TNRC18: variants seen among roughly 807,000 people sequenced by gnomAD.
TNRC18 encodes trinucleotide repeat-containing gene 18 protein.
Under a neutral mutation model 226.7 loss-of-function variants are expected in TNRC18, and 69 were observed. The observed-to-expected ratio is 0.30, with a 90% CI of 0.25 to 0.37. TNRC18 has a LOEUF of 0.37. Ranked by LOEUF, TNRC18 falls within the 10% of genes least tolerant of loss-of-function variation. The probability of loss-of-function intolerance (pLI) is 1.00; values close to 1 mark genes in which losing one functional copy is unlikely to be tolerated. For synonymous variants in TNRC18, 2,449 were observed against 1,927.6 expected (o/e 1.27, Z -7.09); for missense variants, 4,754 against 4,256.6 (o/e 1.12, Z -3.25).
At chr7:5,400,921 T>C (rs1781041807) in intron 2 of TNRC18, among the ~76,000 whole-genome samples, 2 of 152,060 alleles carry the variant, frequency 1.3e-5, no homozygotes, top group Admixed American at 1.3e-4. Context: ...TGCACGCCTG[T>C]AACCCAGCTA....
intron 2 of TNRC18, among the ~76,000 whole-genome samples, chr7:5,401,905 G>C (rs1231732795): frequency 6.6e-6 from 1 of 152,174 alleles, no homozygotes; most frequent in African/African-American, 2.4e-5. Context: ...GCCGGGCGTG[G>C]TGGCTCACAC....
At position 5,342,242 on chromosome 7, in the gene TNRC18, G is replaced by A. The variant is rs192636820; in HGVS notation, c.5719+3320C>T. On this transcript the variant is annotated intron_variant, in intron 18 of 29. Transcript: ENST00000430969. The stretch of plus-strand genomic sequence containing the variant: ...CCAGGAGTTCCAGACCAGTCTGGCC[G>A]ACATGGCGAAACCCTGTCTCTACTA... Among the ~76,000 whole-genome samples, 182 of 152,108 alleles carry A rather than the reference G, an allele frequency of 1.2e-3. 1 individual carries two copies. The highest frequency in any genetic ancestry group is 6.8e-3 in the Middle Eastern group (2 of 294).
In TNRC18 at chr7:5,394,427, G is replaced by C. The variant is rs987358652; in HGVS notation, c.343+13C>G. 1 of 1,523,428 alleles carries C rather than the reference G, an allele frequency of 6.6e-7. No homozygotes were observed. Among genetic ancestry groups the C allele is most frequent in the South Asian group, 1.2e-5 (1 of 81,016 alleles). The allele number at this position is 1,523,428 out of a possible 1,614,324, so 94.4% of individuals were successfully genotyped here. A position where few individuals can be genotyped will look rare whatever the true frequency, so the allele number is the denominator to read the frequency against. On this transcript the variant is annotated intron_variant, in intron 3 of 29. Transcript: ENST00000430969. This position sits in a 1 kb window ranked among gnomAD's most constrained non-coding sequence, Gnocchi z 4.5. ...CCAGCAGCCCTCAGCCCCGACCCCG[G>C]CATGTTCCTTACCTTCATGGGCGTG...
At chr7:5,343,891 G>A (rs553686668) in intron 18 of TNRC18, among the ~76,000 whole-genome samples, 2 of 152,288 alleles carry the variant, frequency 1.3e-5, no homozygotes, top group South Asian at 2.1e-4. Context: ...TGGTTTGGAA[G>A]CAATCCTGCA....
Position 5,307,843 on chromosome 7 carries a change from G to C in TNRC18, c.*263C>G. ...GTGCTGGGCAGGAAGGGCCGGTCCG[G>C]CCATACCCTGATAGCTAAGAGGGGC... On this transcript the variant is annotated 3_prime_UTR_variant, in exon 30 of 30. Transcript: ENST00000430969. 1.9e-6 allele frequency: 1 copy of C among 536,288 alleles called. No individual in the cohort carries two copies. Among genetic ancestry groups the C allele is most frequent in the Non-Finnish European group, 3.4e-6 (1 of 295,204 alleles). The allele number at this position is 536,288 out of a possible 1,614,324, so 33.2% of individuals were successfully genotyped here. A position where few individuals can be genotyped will look rare whatever the true frequency, so the allele number is the denominator to read the frequency against.
rs536132054 is a variant in TNRC18 at position 5,377,466 on chromosome 7, C to T, written c.2366G>A (p.Gly789Asp). ...VTGGPALAGS[G>D]RWSADPAAHL... The stretch of plus-strand genomic sequence containing the variant: ...GGCTGCGGGGTCGGCAGACCAGCGA[C>T]CTGAGCCCGCCAGCGCCGGGCCCCC... The change falls in exon 7 of 30, where the codon GGT becomes GAT. Residue 789 changes from glycine (G) to aspartate (D), a missense_variant. Coordinates refer to ENST00000430969, the MANE Select transcript of TNRC18 (RefSeq NM_001080495.3). This position sits in a 1 kb window ranked among gnomAD's most constrained non-coding sequence, Gnocchi z 5.8. 1.3e-5 allele frequency: 21 copies of T among 1,576,358 alleles called. No homozygotes were observed. The highest frequency in any genetic ancestry group is 1.8e-5 in the Non-Finnish European group (21 of 1,162,538).
Position 5,313,656 on chromosome 7 carries a change from A to G in TNRC18, c.7235T>C (p.Phe2412Ser). The change falls in exon 27 of 30, where the codon TTT becomes TCT. Residue 2412 changes from phenylalanine (F) to serine (S), a missense_variant. Coordinates refer to ENST00000430969, the MANE Select transcript of TNRC18 (RefSeq NM_001080495.3). ...AFTSCPAPEP[F>S]AELPAPATSL... ...GGTGGCAGGAGCTGGCAGCTCTGCA[A>G]ATGGCTCGGGTGCTGGGCAGCTGGT... The G allele has an allele frequency of 6.2e-7, 1 of 1,606,056 alleles. No individual in the cohort carries two copies. Among genetic ancestry groups the G allele is most frequent in the Non-Finnish European group, 8.5e-7 (1 of 1,177,160 alleles).
In TNRC18 at chr7:5,348,703, T is replaced by C. The variant is rs529126345; in HGVS notation, c.5471-2893A>G. The stretch of plus-strand genomic sequence containing the variant: ...CCAGAGGGAGAGGGAGGAGGTTTGT[T>C]AAGAGGGTGAGAGGGGAGACTGGCC... On this transcript the variant is annotated intron_variant, in intron 17 of 29. Transcript: ENST00000430969. Among the ~76,000 whole-genome samples, 107 of 151,440 alleles carry C rather than the reference T, an allele frequency of 7.1e-4. 3 individuals are homozygous for C. The South Asian group carries it at 9.8e-3, about 14-fold the overall frequency.
At chr7:5,410,690 AC>A (rs1288934917) in intron 2 of TNRC18, among the ~76,000 whole-genome samples, 1 of 151,806 alleles carries the variant, frequency 6.6e-6, no homozygotes, top group Admixed American at 6.6e-5. Context: ...ACATGGTAAA[AC>A]CCCATCTCTA....
At chr7:5,395,472 G>A (rs371741818) in intron 2 of TNRC18, among the ~76,000 whole-genome samples, 6 of 152,216 alleles carry the variant, frequency 3.9e-5, no homozygotes, top group Non-Finnish European at 1.5e-5. Context: ...ATCGGACAGG[G>A]TGCCTCCCAG....
chr7:5,331,394 G>C lies in TNRC18; in HGVS notation c.6147+1228C>G, dbSNP rs143321388. Among the ~76,000 whole-genome samples the C allele has an allele frequency of 2.0e-4, 30 of 152,260 alleles. No homozygotes were observed. The East Asian group carries it at 4.2e-3, about 22-fold the overall frequency. On this transcript the variant is annotated intron_variant, in intron 19 of 29. Coordinates refer to ENST00000430969, the MANE Select transcript of TNRC18 (RefSeq NM_001080495.3). ...TTTCTTAATCTGGGGTGTTCATAGAGAGAATTTAGGAAATCTGTAAATGGG... is the reference window on the plus strand; with the variant it reads ...TTTCTTAATCTGGGGTGTTCATAGACAGAATTTAGGAAATCTGTAAATGGG...
At chr7:5,396,965 G>T (rs1248082668) in intron 2 of TNRC18, among the ~76,000 whole-genome samples, 13 of 152,226 alleles carry the variant, frequency 8.5e-5, no homozygotes, top group Admixed American at 8.5e-4. Flanking sequence ...TGGGGTACAT[G>T]TGGGGAAACT....
chr7:5,392,577 A>G lies in TNRC18; in HGVS notation c.343+1863T>C, dbSNP rs1780378364. The stretch of plus-strand genomic sequence containing the variant: ...TGCAGTGAGCCAAGATTGTGCCACT[A>G]TATACTCTAGCCTGGGCGACAGAGC... On this transcript the variant is annotated intron_variant, in intron 3 of 29. Coordinates refer to ENST00000430969, the MANE Select transcript of TNRC18 (RefSeq NM_001080495.3). 2.0e-5 allele frequency among the ~76,000 whole-genome samples: 3 copies of G among 151,862 alleles called. No homozygotes were observed. The South Asian group carries it at 6.2e-4, about 32-fold the overall frequency.
At chr7:5,328,841 A>G (rs1031894283) in intron 19 of TNRC18, among the ~76,000 whole-genome samples, 2 of 152,086 alleles carry the variant, frequency 1.3e-5, no homozygotes, top group African/African-American at 2.4e-5. Flanking sequence ...AAGAAAAATT[A>G]GCAAGGTGTG....
chr7:5,388,387 G>A lies in TNRC18; in HGVS notation c.1437C>T (p.Pro479=), dbSNP rs747229535. The A allele has an allele frequency of 1.5e-5, 23 of 1,524,884 alleles. No individual in the cohort carries two copies. The highest frequency in any genetic ancestry group is 2.8e-5 in the African/African-American group (2 of 70,434). 94.5% of individuals were successfully genotyped at this position (1,524,884 alleles called of 1,614,324 possible). A position where few individuals can be genotyped will look rare whatever the true frequency, so the allele number is the denominator to read the frequency against. The part of the protein sequence containing the change: ...EADPRPCERA[P]RGPAGPAAQQ... ...GGGCTGCAGGACCGGCTGGGCCGCGGGGCGCACGCTCGCAGGGCCTCGGGT... is the reference window on the plus strand; with the variant it reads ...GGGCTGCAGGACCGGCTGGGCCGCGAGGCGCACGCTCGCAGGGCCTCGGGT... Residue 479 remains proline (P), a synonymous_variant, in exon 5 of 30, where the codon CCC becomes CCT. Transcript: ENST00000430969.
In TNRC18 at chr7:5,394,498, G is replaced by A. The variant is rs562082642; in HGVS notation, c.285C>T (p.Arg95=). 3 of 1,562,034 alleles carry A rather than the reference G, an allele frequency of 1.9e-6. No homozygotes were observed. Among genetic ancestry groups the A allele is most frequent in the South Asian group, 1.2e-5 (1 of 84,682 alleles). ...PVPLPSDLSF[R]SPTPSNLPMV... is the part of the protein sequence containing the mutation. ...TGGGCAGGTTGCTAGGGGTTGGGGA[G>A]CGGAAAGACAGGTCAGAGGGCAGTG... The change falls in exon 3 of 30, where the codon CGC becomes CGT. Residue 95 remains arginine, a synonymous_variant. Coordinates refer to ENST00000430969, the MANE Select transcript of TNRC18 (RefSeq NM_001080495.3). The surrounding 1 kb of genome is among the most constrained non-coding windows in gnomAD (Gnocchi z 4.5).
At chr7:5,402,995 G>T (rs1781215413) in intron 2 of TNRC18, among the ~76,000 whole-genome samples, 2 of 151,938 alleles carry the variant, frequency 1.3e-5, no homozygotes, top group African/African-American at 4.8e-5. Flanking sequence ...ACGGGGAGAG[G>T]GATTGGTGTC....
intron 17 of TNRC18, among the ~76,000 whole-genome samples, chr7:5,347,495 C>CT (rs1175933758): frequency 6.6e-6 from 1 of 151,688 alleles, no homozygotes; most frequent in Non-Finnish European, 1.5e-5. Flanking sequence ...CACACCCAGC[C>CT]CCCCCGCAAA....
intron 2 of TNRC18, among the ~76,000 whole-genome samples, chr7:5,416,402 G>C (rs919469616): frequency 2.0e-5 from 3 of 152,166 alleles, no homozygotes; most frequent in Non-Finnish European, 4.4e-5. Context: ...GCGACAGAGC[G>C]AGACTCCGTC....
Sources: allele counts gnomAD v4.1 joint callset (sites outside exome capture counted in the v4.1 genomes callset), GRCh38; gene constraint gnomAD v4.1.1; non-coding constraint Gnocchi (gnomAD v3.1); transcripts MANE v1.5; gene names NCBI Gene and HGNC (gene_info 2026-07-23, HGNC 2026-07-21).